RHOT1: variants seen among roughly 807,000 people sequenced by gnomAD.
RHOT1 encodes ras homolog family member T1.
Under a neutral mutation model 95.3 loss-of-function variants are expected in RHOT1, and 27 were observed. That is an observed-to-expected ratio of 0.28 (90% confidence interval 0.21 to 0.39). The LOEUF (loss-of-function observed/expected upper bound fraction) is 0.39, where lower values mean the gene tolerates loss of function less well. Ranked by LOEUF, RHOT1 falls within the 10% of genes least tolerant of loss-of-function variation. The probability of loss-of-function intolerance (pLI) is 1.00; values close to 1 mark genes in which losing one functional copy is unlikely to be tolerated. For missense variants in RHOT1, 578 were observed against 786.7 expected, an observed-to-expected ratio of 0.73 and a Z score of 3.17; for synonymous variants, 227 against 263.5, an observed-to-expected ratio of 0.86 and a Z score of 1.34.
At chr17:32,159,179 G>C (rs973480525) in intron 1 of RHOT1, 1 of 152,582 alleles carries the variant, frequency 6.6e-6, no homozygotes, top group African/African-American at 2.4e-5. Context: ...TTGTTTGTGC[G>C]GGGTTGGCCG....
intron 1 of RHOT1, among the ~76,000 whole-genome samples, chr17:32,149,996 G>A (rs761443162): frequency 3.6e-4 from 55 of 151,874 alleles, no homozygotes; most frequent in South Asian, 2.1e-3. Flanking sequence ...ATTGATCCAC[G>A]TGCCTCAGCC....
chr17:32,224,529 C>T, intron 19 of RHOT1, 87 bp from the exon 20 acceptor site: 13 of 868,630 alleles, frequency 1.5e-5, no homozygotes, highest in Non-Finnish European at 2.0e-5. Context: ...TGTGCTAATA[C>T]TTCCCTAAAA....
At chr17:32,161,740 C>T (rs1222025369) in intron 1 of RHOT1, among the ~76,000 whole-genome samples, 2 of 152,182 alleles carry the variant, frequency 1.3e-5, no homozygotes, top group African/African-American at 4.8e-5. Context: ...GCAGTTTCAC[C>T]ACCAGTTAAA....
At chr17:32,218,662 A>G (rs959063155) in intron 19 of RHOT1, among the ~76,000 whole-genome samples, 9 of 152,022 alleles carry the variant, frequency 5.9e-5, no homozygotes, top group Admixed American at 2.6e-4. Flanking sequence ...AAAAAATCAT[A>G]AATTAGCCAG....
intron 19 of RHOT1, chr17:32,211,485 A>T (rs2038131981): frequency 3.4e-6 from 1 of 298,472 alleles, no homozygotes; most frequent in African/African-American, 2.2e-5. Flanking sequence ...CATAAGGAAG[A>T]TAAATTATCT....
intron 11 of RHOT1, among the ~76,000 whole-genome samples, chr17:32,195,670 G>C (rs983579235): frequency 2.6e-5 from 4 of 152,152 alleles, no homozygotes; most frequent in Admixed American, 6.5e-5. Flanking sequence ...TAATGGTTCA[G>C]AAAGACTGTT....
intron 11 of RHOT1, among the ~76,000 whole-genome samples, chr17:32,194,586 A>G (rs924290245): frequency 2.0e-5 from 3 of 152,136 alleles, no homozygotes; most frequent in African/African-American, 7.2e-5. Context: ...TGATTCCCTC[A>G]TGGCTCAAAC....
intron 9 of RHOT1, 33 bp downstream of exon 9, chr17:32,192,332 CTTTTTTTTTTT>C (rs397857197): frequency 1.1e-5 from 6 of 542,658 alleles, no homozygotes; most frequent in Admixed American, 8.1e-5. Flanking sequence ...ATTTGCGTAT[CTTTTTTTTTTT>C]TTTTTTTTTT....
At chr17:32,180,697 C>CAAA (rs34530711) in intron 6 of RHOT1, among the ~76,000 whole-genome samples, 3 of 77,738 alleles carry the variant, frequency 3.9e-5, no homozygotes, top group Admixed American at 1.4e-4. Flanking sequence ...TGTTTTAAGC[C>CAAA]AAAAAAAAAA....
rs764353626 is a variant in RHOT1 at position 32,175,946 on chromosome 17, T to C, written c.223-16T>C. ...ATTATTTTTAGATACGATTAATTTG[T>C]TAATTTTTCTTCTAGGCTAATGTCA... On this transcript the variant is annotated splice_polypyrimidine_tract_variant and intron_variant, in intron 4 of 19. Transcript: ENST00000545287. The C allele has an allele frequency of 2.6e-6, 4 of 1,509,838 alleles. No individual in the cohort carries two copies. In the East Asian group the frequency reaches 9.3e-5, roughly 35 times the overall value. The allele number at this position is 1,509,838 out of a possible 1,614,324, so 93.5% of individuals were successfully genotyped here.
intron 1 of RHOT1, among the ~76,000 whole-genome samples, chr17:32,157,187 A>G (rs1339508043): frequency 2.6e-5 from 4 of 152,224 alleles, no homozygotes; most frequent in Non-Finnish European, 4.4e-5. Context: ...CTCCCTTCCC[A>G]TTACATTGTC....
intron 1 of RHOT1, among the ~76,000 whole-genome samples, chr17:32,165,276 G>T (rs2033958316): frequency 7.4e-6 from 1 of 134,304 alleles, no homozygotes; most frequent in Non-Finnish European, 1.5e-5. Flanking sequence ...GGCAGAGCTT[G>T]CAATAAGCCG....
At chr17:32,223,306 G>A (rs769711036) in intron 19 of RHOT1, among the ~76,000 whole-genome samples, 1 of 151,754 alleles carries the variant, frequency 6.6e-6, no homozygotes, top group Non-Finnish European at 1.5e-5. Flanking sequence ...TCAGTGCCTT[G>A]GTCTTTTAAT....
intron 8 of RHOT1, among the ~76,000 whole-genome samples, chr17:32,191,736 A>C (rs2036506143): frequency 6.6e-6 from 1 of 152,178 alleles, no homozygotes; most frequent in African/African-American, 2.4e-5. Context: ...GAATAAGCGT[A>C]TTTTATTTCC....
chr17:32,168,748 G>A (rs957937757), intron 1 of RHOT1, among the ~76,000 whole-genome samples: 23 of 151,798 alleles, frequency 1.5e-4, no homozygotes, highest in East Asian at 9.6e-4. Context: ...TTAAAGTATG[G>A]CACAAGAAAG....
In RHOT1 at chr17:32,221,086, G is replaced by A. The variant is rs187320927; in HGVS notation, c.1863-3530G>A. 2.0e-5 allele frequency: 20 copies of A among 981,112 alleles called. No homozygotes were observed. In the Admixed American group the frequency reaches 5.0e-4, roughly 24 times the overall value. 60.8% of individuals were successfully genotyped at this position (981,112 alleles called of 1,614,324 possible). On this transcript the variant is annotated intron_variant, in intron 19 of 19. Transcript: ENST00000545287. ...TTAAGTTTAGAAATGAGCCAGAAGC[G>A]GCCAGGCGTGGTGGCTCACGCCTGT... is the stretch of plus-strand genomic sequence containing the variant.
intron 1 of RHOT1, among the ~76,000 whole-genome samples, chr17:32,146,747 C>T (rs1367763781): frequency 4.1e-5 from 6 of 145,114 alleles, no homozygotes; most frequent in South Asian, 2.2e-4. Flanking sequence ...AGTGAGCCAC[C>T]GCGCCCGGCC....
chr17:32,224,820 T>G lies in RHOT1; in HGVS notation c.*87T>G. ...AAGTTCTGCTAGAATTATTGAGATATTTATACATGCAGAGTTACTTTATTA... is the reference window on the plus strand; with the variant it reads ...AAGTTCTGCTAGAATTATTGAGATAGTTATACATGCAGAGTTACTTTATTA... On this transcript the variant is annotated 3_prime_UTR_variant, in exon 20 of 20. Coordinates refer to ENST00000545287, the MANE Select transcript of RHOT1 (RefSeq NM_001033566.3). The G allele has an allele frequency of 1.3e-6, 1 of 751,918 alleles. No individual in the cohort carries two copies. Among genetic ancestry groups the G allele is most frequent in the South Asian group, 1.9e-5 (1 of 51,942 alleles). The allele number at this position is 751,918 out of a possible 1,614,324, so 46.6% of individuals were successfully genotyped here.
intron 7 of RHOT1, 77 bp downstream of exon 7, chr17:32,182,942 A>G (rs2035756693): frequency 2.1e-6 from 2 of 936,062 alleles, no homozygotes; most frequent in South Asian, 1.6e-5. Flanking sequence ...AGGGGGGACA[A>G]TGTGGGATGG....
Sources: allele counts gnomAD v4.1 joint callset (sites outside exome capture counted in the v4.1 genomes callset), GRCh38; gene constraint gnomAD v4.1.1; transcripts MANE v1.5; gene names NCBI Gene and HGNC (gene_info 2026-07-23, HGNC 2026-07-21).